Variants in NREP observed in about 807,000 individuals in gnomAD.
The protein encoded by NREP is neuronal regeneration-related protein.
NREP carries 5 observed loss-of-function variants against 8.6 expected under a neutral mutation model. The observed-to-expected ratio is 0.58, with a 90% confidence interval of 0.30 to 1.22. The LOEUF (loss-of-function observed/expected upper bound fraction) is 1.22, where lower values mean the gene tolerates loss of function less well. Among genes scored for constraint, NREP ranks in the 50% most tolerant of loss-of-function variants. NREP has a pLI of 0.07. For missense variants in NREP, 86 were observed against 82.5 expected (o/e 1.04, Z -0.17); for synonymous variants, 27 against 28.0 (o/e 0.96, Z 0.11).
chr5:111,919,973 AC>A (rs34120230), intron 2 of NREP, among the ~76,000 whole-genome samples: 11,214 of 126,432 alleles, frequency 0.089, 1,498 homozygotes, highest in African/African-American at 0.24. Context: ...TAAAAAGAAT[AC>A]CCCCCCCCCC....
chr5:111,775,601 A>C (rs541895349), intron 2 of NREP, among the ~76,000 whole-genome samples: 2 of 152,284 alleles, frequency 1.3e-5, no homozygotes, highest in African/African-American at 4.8e-5. Context: ...TTAATAATCC[A>C]GAGAGTATAT....
intron 2 of NREP, among the ~76,000 whole-genome samples, chr5:111,824,698 C>T (rs1464391407): frequency 6.6e-6 from 1 of 152,012 alleles, no homozygotes; most frequent in East Asian, 1.9e-4. Flanking sequence ...TTGACTGTGG[C>T]CAGAAAGTTC....
At chr5:111,748,344 G>T (rs1384338973) in intron 2 of NREP, among the ~76,000 whole-genome samples, 1 of 152,062 alleles carries the variant, frequency 6.6e-6, no homozygotes, top group Non-Finnish European at 1.5e-5. Flanking sequence ...TCATTTCCCG[G>T]AATGCCTGAC....
intron 2 of NREP, chr5:111,739,734 C>A (rs369524593): frequency 7.9e-5 from 12 of 152,134 alleles, no homozygotes; most frequent in African/African-American, 2.4e-4. Context: ...TCATTGAATT[C>A]TCTATTGTTG....
At chr5:111,864,390 A>T (rs1753619901) in intron 2 of NREP, among the ~76,000 whole-genome samples, 2 of 152,154 alleles carry the variant, frequency 1.3e-5, no homozygotes, top group South Asian at 4.1e-4. Context: ...CAATATATGA[A>T]TATGAATAAA....
intron 2 of NREP, among the ~76,000 whole-genome samples, chr5:111,743,895 C>T (rs1749835213): frequency 6.6e-6 from 1 of 152,032 alleles, no homozygotes; most frequent in Non-Finnish European, 1.5e-5. Context: ...CTGTGCTATC[C>T]ACTAAAATCT....
intron 2 of NREP, among the ~76,000 whole-genome samples, chr5:111,737,805 C>G (rs535776741): frequency 6.6e-6 from 1 of 151,444 alleles, no homozygotes; most frequent in Non-Finnish European, 1.5e-5. Context: ...CAGCAAAACA[C>G]ACATGACTAA....
In NREP at chr5:111,778,202, C is replaced by A. The variant is rs1193866172; in HGVS notation, c.136-42695G>T. Among the ~76,000 whole-genome samples the A allele has an allele frequency of 2.6e-5, 4 of 152,110 alleles. No homozygotes were observed. The East Asian group carries it at 7.7e-4, about 29-fold the overall frequency. ...GCCAGCACATCAAACTCTTCATATGCTAAGAGAATTGCCCTAGAATATCCA... is the reference window on the plus strand; with the variant it reads ...GCCAGCACATCAAACTCTTCATATGATAAGAGAATTGCCCTAGAATATCCA... On this transcript the variant is annotated intron_variant, in intron 2 of 3. Coordinates refer to the NREP transcript ENST00000395634.
intron 2 of NREP, among the ~76,000 whole-genome samples, chr5:111,919,809 T>C (rs1460090161): frequency 9.9e-5 from 15 of 150,780 alleles, no homozygotes; most frequent in Admixed American, 2.7e-4. Context: ...CACCATGGCA[T>C]GTGTATACCC....
chr5:111,850,699 T>C (rs1292455567), intron 2 of NREP, among the ~76,000 whole-genome samples: 1 of 152,150 alleles, frequency 6.6e-6, no homozygotes, highest in African/African-American at 2.4e-5. Context: ...TGAGTCTCCT[T>C]CTTCCATTCT....
Position 111,900,918 on chromosome 5 carries a change from A to T in NREP, c.135+74356T>A, listed in dbSNP as rs547950954. Among the ~76,000 whole-genome samples, 4 of 152,310 alleles carry T rather than the reference A, an allele frequency of 2.6e-5. No individual in the cohort carries two copies. In the South Asian group the frequency reaches 8.3e-4, roughly 32 times the overall value. Reference sequence around the variant, plus strand: ...TCTTAATTTATTTTATGAGATCAGCATTATCCTGACACCAAAACCAGACTA... The same window carrying T: ...TCTTAATTTATTTTATGAGATCAGCTTTATCCTGACACCAAAACCAGACTA... On this transcript the variant is annotated intron_variant, in intron 2 of 3. Coordinates refer to the NREP transcript ENST00000395634.
At chr5:111,795,303 G>C (rs1431983269) in intron 2 of NREP, among the ~76,000 whole-genome samples, 1 of 152,178 alleles carries the variant, frequency 6.6e-6, no homozygotes, top group Non-Finnish European at 1.5e-5. Context: ...GCTCCAGACT[G>C]TGATTCCTGT....
intron 2 of NREP, among the ~76,000 whole-genome samples, chr5:111,793,669 A>G (rs908115271): frequency 3.9e-5 from 6 of 152,224 alleles, no homozygotes; most frequent in Non-Finnish European, 7.3e-5. Flanking sequence ...TTAAGTTGAC[A>G]TATAAAATTA....
chr5:111,742,016 G>T (rs895869254), intron 2 of NREP, among the ~76,000 whole-genome samples: 1 of 152,124 alleles, frequency 6.6e-6, no homozygotes, highest in Non-Finnish European at 1.5e-5. Context: ...TGCCTGGTAA[G>T]TCCTTAACAT....
intron 2 of NREP, among the ~76,000 whole-genome samples, chr5:111,793,585 T>C (rs897538960): frequency 6.6e-6 from 1 of 152,110 alleles, no homozygotes; most frequent in Non-Finnish European, 1.5e-5. Flanking sequence ...CAAATGGTAA[T>C]CTATTCTGGA....
chr5:111,947,956 A>C (rs1237449087), intron 2 of NREP, among the ~76,000 whole-genome samples: 4 of 151,996 alleles, frequency 2.6e-5, no homozygotes, highest in Non-Finnish European at 4.4e-5. Flanking sequence ...TATATTCTAC[A>C]CCTGTAAACC....
At chr5:111,899,496 A>G (rs1169956554) in intron 2 of NREP, among the ~76,000 whole-genome samples, 2 of 152,202 alleles carry the variant, frequency 1.3e-5, no homozygotes, top group East Asian at 3.8e-4. Context: ...CCTGGGCAAC[A>G]GCATGAGACC....
chr5:111,765,856 G>T (rs528263173), intron 2 of NREP, among the ~76,000 whole-genome samples: 3 of 152,046 alleles, frequency 2.0e-5, no homozygotes, highest in Non-Finnish European at 2.9e-5. Flanking sequence ...CATTTTCCAG[G>T]TATGAAATGG....
At chr5:111,779,213 G>T (rs961136759) in intron 2 of NREP, among the ~76,000 whole-genome samples, 14 of 152,078 alleles carry the variant, frequency 9.2e-5, no homozygotes, top group Non-Finnish European at 2.1e-4. Context: ...TTGCTGTGTT[G>T]TTGGGCTATC....
Sources: gnomAD v4.1 joint callset for allele counts (sites outside exome capture counted in the v4.1 genomes callset) on GRCh38, gnomAD v4.1.1 for gene constraint, MANE v1.5 for transcripts, NCBI Gene and HGNC (gene_info 2026-07-23, HGNC 2026-07-21) for gene names.